PRR16: variants seen among roughly 807,000 people sequenced by gnomAD.
The protein encoded by PRR16 is protein Largen.
PRR16 carries 6 observed loss-of-function variants against 18.2 expected under a neutral mutation model. That is an observed-to-expected ratio of 0.33 (90% confidence interval 0.18 to 0.65). PRR16 has a LOEUF of 0.65. Ranked by LOEUF, PRR16 falls within the 30% of genes least tolerant of loss-of-function variation. The probability of loss-of-function intolerance (pLI) is 0.74; values close to 1 mark genes in which losing one functional copy is unlikely to be tolerated. For synonymous variants in PRR16, 151 were observed against 147.8 expected (o/e 1.02, Z -0.16); for missense variants, 412 against 376.6 (o/e 1.09, Z -0.78).
At chr5:120,564,600 A>G (rs1207463474) in intron 1 of PRR16, among the ~76,000 whole-genome samples, 3 of 152,218 alleles carry the variant, frequency 2.0e-5, no homozygotes. Context: ...AAGTACACAG[A>G]CTTTCCACAC....
chr5:120,773,318 G>A, the PRR16 span, among the ~76,000 whole-genome samples: 1 of 152,140 alleles, frequency 6.6e-6, no homozygotes, highest in African/African-American at 2.4e-5. Flanking sequence ...GCTCTGGTCT[G>A]CAAAGTCCAT....
chr5:120,489,300 G>C lies in PRR16; in HGVS notation c.159+24655G>C, dbSNP rs6882134. On this transcript the variant is annotated intron_variant, in intron 1 of 1. Coordinates refer to ENST00000407149, the MANE Select transcript of PRR16 (RefSeq NM_001300783.2). ...GTGTGGGAGTCTAAGTCTCTTTGTA[G>C]GTCTCTAAGGACTTGCCTTACGAAT... Among the ~76,000 whole-genome samples, 453 of 152,012 alleles carry C rather than the reference G, an allele frequency of 3.0e-3. 1 individual carries two copies. The highest frequency in any genetic ancestry group is 0.01 in the Middle Eastern group (3 of 294).
At chr5:120,495,215 T>C (rs893828017) in intron 1 of PRR16, among the ~76,000 whole-genome samples, 3 of 152,136 alleles carry the variant, frequency 2.0e-5, no homozygotes, top group Non-Finnish European at 2.9e-5. Context: ...TGATTGTCTA[T>C]TTATTTGATC....
intron 1 of PRR16, among the ~76,000 whole-genome samples, chr5:120,629,858 A>G (rs1015234476): frequency 1.5e-4 from 23 of 150,728 alleles, no homozygotes; most frequent in East Asian, 1.9e-4. Flanking sequence ...ATATTAACCC[A>G]TTATTTTCTG....
chr5:120,585,923 C>G (rs1235114245), intron 1 of PRR16, among the ~76,000 whole-genome samples: 1 of 151,934 alleles, frequency 6.6e-6, no homozygotes, highest in Non-Finnish European at 1.5e-5. Context: ...TGCTTGTAAT[C>G]CCAGCACTTT....
chr5:120,771,911 C>A, the PRR16 span, among the ~76,000 whole-genome samples: 1 of 151,598 alleles, frequency 6.6e-6, no homozygotes, highest in Non-Finnish European at 1.5e-5. Context: ...TAAAAATATG[C>A]ATTGAAAATT....
chr5:120,713,542 C>G, the PRR16 span, among the ~76,000 whole-genome samples: 1 of 152,084 alleles, frequency 6.6e-6, no homozygotes, highest in African/African-American at 2.4e-5. Flanking sequence ...AATTGAAAAT[C>G]AGAAAATTTG....
At chr5:120,507,581 C>G (rs929508793) in intron 1 of PRR16, among the ~76,000 whole-genome samples, 3 of 152,058 alleles carry the variant, frequency 2.0e-5, no homozygotes, top group African/African-American at 7.2e-5. Context: ...ACTGACATGA[C>G]TTAGACATAG....
At chr5:120,511,190 A>C (rs1005992766) in intron 1 of PRR16, among the ~76,000 whole-genome samples, 5 of 152,302 alleles carry the variant, frequency 3.3e-5, no homozygotes, top group Non-Finnish European at 7.4e-5. Context: ...CTAGAATATA[A>C]TTAAAAGCCT....
At chr5:120,583,660 A>T (rs1276847366) in intron 1 of PRR16, among the ~76,000 whole-genome samples, 1 of 152,138 alleles carries the variant, frequency 6.6e-6, no homozygotes, top group Non-Finnish European at 1.5e-5. Context: ...GTCAATGCTA[A>T]GCTTAGTTGG....
chr5:120,608,826 C>T (rs752540568), intron 1 of PRR16, among the ~76,000 whole-genome samples: 4 of 152,132 alleles, frequency 2.6e-5, no homozygotes, highest in Non-Finnish European at 5.9e-5. Flanking sequence ...CGAAAATAAG[C>T]TGGGATTAAC....
chr5:120,704,705 A>T, the PRR16 span, among the ~76,000 whole-genome samples: 26 of 152,164 alleles, frequency 1.7e-4, no homozygotes, highest in African/African-American at 6.3e-4. Flanking sequence ...GTGCGCTCAG[A>T]CATCAGTAGG....
chr5:120,751,576 C>T, the PRR16 span, among the ~76,000 whole-genome samples: 2 of 151,744 alleles, frequency 1.3e-5, no homozygotes, highest in Non-Finnish European at 2.9e-5. Flanking sequence ...AGTTTAAATT[C>T]CTTTTCATAA....
chr5:120,562,111 A>G (rs534406113), intron 1 of PRR16, among the ~76,000 whole-genome samples: 7 of 152,050 alleles, frequency 4.6e-5, no homozygotes, highest in Non-Finnish European at 7.4e-5. Context: ...ATCGAAGTCT[A>G]TCTCTCTCTT....
chr5:120,732,971 A>G, the PRR16 span, among the ~76,000 whole-genome samples: 3 of 152,160 alleles, frequency 2.0e-5, no homozygotes, highest in Non-Finnish European at 2.9e-5. Flanking sequence ...GGGTAAAGCT[A>G]TATGTTTGTT....
At chr5:120,608,277 G>T (rs1754221513) in intron 1 of PRR16, among the ~76,000 whole-genome samples, 1 of 152,180 alleles carries the variant, frequency 6.6e-6, no homozygotes, top group East Asian at 1.9e-4. Flanking sequence ...CTTTTAAAAT[G>T]AGCCTAGTCT....
chr5:120,489,024 T>G (rs1387481387), intron 1 of PRR16, among the ~76,000 whole-genome samples: 2 of 152,210 alleles, frequency 1.3e-5, no homozygotes, highest in Admixed American at 6.5e-5. Context: ...AGACAGTTTG[T>G]TCTAATTTCT....
chr5:120,688,930 A>G (rs552220949), downstream of PRR16, among the ~76,000 whole-genome samples: 7 of 152,186 alleles, frequency 4.6e-5, no homozygotes, highest in Non-Finnish European at 7.3e-5. Context: ...TTCTCTAAGT[A>G]TAGGCAAAGC....
chr5:120,605,764 A>G (rs542899387), intron 1 of PRR16, among the ~76,000 whole-genome samples: 2 of 152,160 alleles, frequency 1.3e-5, no homozygotes, highest in South Asian at 2.1e-4. Context: ...TCATTTCTGT[A>G]TGCTTTCCAG....
Sources: gnomAD v4.1 joint callset for allele counts (sites outside exome capture counted in the v4.1 genomes callset) on GRCh38, gnomAD v4.1.1 for gene constraint, MANE v1.5 for transcripts, NCBI Gene and HGNC (gene_info 2026-07-23, HGNC 2026-07-21) for gene names.